The following DHRS2 variants were observed in gnomAD, a reference collection of about 807,000 sequenced individuals.
The protein encoded by DHRS2 is dehydrogenase/reductase SDR family member 2, mitochondrial.
Under a neutral mutation model 26.3 loss-of-function variants are expected in DHRS2, and 29 were observed. The observed-to-expected ratio is 1.10, with a 90% CI of 0.82 to 1.50. The LOEUF (loss-of-function observed/expected upper bound fraction) is 1.50. Among genes scored for constraint, DHRS2 ranks in the 40% most tolerant of loss-of-function variants. The pLI is 0.00. For missense variants in DHRS2, 439 were observed against 367.1 expected, an observed-to-expected ratio of 1.20 and a Z score of -1.60; for synonymous variants, 164 against 151.3, an observed-to-expected ratio of 1.08 and a Z score of -0.62.
chr14:23,636,967 G>T (rs1890334094), intron 1 of DHRS2, among the ~76,000 whole-genome samples, 195 bp downstream of exon 1: 1 of 152,160 alleles, frequency 6.6e-6, no homozygotes, highest in South Asian at 2.1e-4. Flanking sequence ...ATGTTGTTTT[G>T]CCTGGAACCA....
At chr14:23,644,034 T>G (rs997174692) in intron 5 of DHRS2, 77 bp from the exon 6 acceptor site, 20 of 1,440,980 alleles carry the variant, frequency 1.4e-5, no homozygotes, top group Non-Finnish European at 2.0e-5. Flanking sequence ...GGTTGCATCA[T>G]TTAATGAACT....
upstream of DHRS2, among the ~76,000 whole-genome samples, chr14:23,635,205 G>A (rs532163329): frequency 1.3e-5 from 2 of 152,128 alleles, no homozygotes; most frequent in Admixed American, 1.3e-4. Context: ...TGTGACTACA[G>A]GCATGCACCA....
In DHRS2 at chr14:23,640,132, ACTTT is replaced by A. The variant is rs1890580455; in HGVS notation, c.420+238_420+241del. On this transcript the variant is annotated intron_variant, in intron 4 of 8. Transcript: ENST00000250383. ...TTCTGCTTTGTTTTCTCTTCTCATC[ACTTT>A]TTCATTTAATCATTCAGCAGGTATT... 7 of 719,228 alleles carry A rather than the reference ACTTT, an allele frequency of 9.7e-6. No homozygotes were observed. The South Asian group carries it at 3.8e-4, about 39-fold the overall frequency. 44.6% of individuals were successfully genotyped at this position (719,228 alleles called of 1,614,324 possible).
At position 23,636,459 on chromosome 14, in the gene DHRS2, A is replaced by T. The variant is rs141213748; in HGVS notation, c.-352A>T. On this transcript the variant is annotated 5_prime_UTR_variant, in exon 1 of 9. Coordinates refer to ENST00000250383, the MANE Select transcript of DHRS2 (RefSeq NM_005794.4). ...GCTGCTCACTCGTTGGGTCCGTGCC[A>T]CCTTTAAGAGCTGTAACACTCACCG... The T allele has an allele frequency of 6.6e-6, 1 of 151,902 alleles. No homozygotes were observed. The highest frequency in any genetic ancestry group is 2.4e-5 in the African/African-American group (1 of 41,346). The allele number at this position is 151,902 out of a possible 1,614,324, so 9.4% of individuals were successfully genotyped here. A position where few individuals can be genotyped will look rare whatever the true frequency, so the allele number is the denominator to read the frequency against.
upstream of DHRS2, among the ~76,000 whole-genome samples, chr14:23,634,353 C>T (rs1481757357): frequency 6.6e-6 from 1 of 152,124 alleles, no homozygotes; most frequent in Non-Finnish European, 1.5e-5. Context: ...AGGCATGAGC[C>T]ACCGTGCCTA....
chr14:23,643,515 C>G (rs1204122676), intron 5 of DHRS2: 5 of 399,852 alleles, frequency 1.3e-5, no homozygotes, highest in African/African-American at 1.0e-4. Context: ...TCATTGTCAC[C>G]TTACCTGCTC....
intron 4 of DHRS2, chr14:23,641,824 T>C: frequency 7.9e-7 from 1 of 1,264,198 alleles, no homozygotes; most frequent in South Asian, 1.3e-5. Flanking sequence ...GGAGTGAGAT[T>C]GGGGGGTGGA....
intron 4 of DHRS2, chr14:23,641,442 A>T: frequency 2.5e-6 from 1 of 394,538 alleles, no homozygotes; most frequent in Non-Finnish European, 4.5e-6. Flanking sequence ...ACACTGAGCT[A>T]CTCTCTCTTA....
chr14:23,636,300 C>T (rs1237348469), upstream of DHRS2: 5 of 152,158 alleles, frequency 3.3e-5, no homozygotes, highest in African/African-American at 4.8e-5. Context: ...ATAAAATGGA[C>T]CAATCAGCAG....
upstream of DHRS2, among the ~76,000 whole-genome samples, chr14:23,635,006 G>C (rs950462167): frequency 6.6e-6 from 1 of 152,140 alleles, no homozygotes; most frequent in Admixed American, 6.5e-5. Context: ...TTCCTGTACA[G>C]CCTGTGGAAT....
At chr14:23,643,702 G>A (rs1360911851) in intron 5 of DHRS2, 1 of 295,356 alleles carries the variant, frequency 3.4e-6, no homozygotes, top group Non-Finnish European at 6.5e-6. Context: ...AACTGGCCAG[G>A]GGCTGTCTTC....
Position 23,638,926 on chromosome 14 carries a change from T to A in DHRS2, c.62T>A (p.Val21Glu). 1 of 1,614,070 alleles carries A rather than the reference T, an allele frequency of 6.2e-7. No individual in the cohort carries two copies. ...GWFHPCARLS[V>E]RMSSTGIDRK... ...TTTCATCCCTGTGCTAGGCTTTCTG[T>A]GAGGATGAGCAGCACCGGGATAGAC... The change falls in exon 2 of 9, where the codon GTG becomes GAG. Residue 21 changes from valine to glutamate, a missense_variant. By Grantham distance (121) the Val-to-Glu change is moderately radical. Coordinates refer to ENST00000250383, the MANE Select transcript of DHRS2 (RefSeq NM_005794.4).
chr14:23,641,684 C>G (rs963827526), intron 4 of DHRS2: 3 of 1,289,716 alleles, frequency 2.3e-6, no homozygotes, highest in Non-Finnish European at 2.0e-6. Context: ...GGGTGGTACC[C>G]ACTTCTGACA....
At chr14:23,643,118 C>G (rs747429191) in intron 4 of DHRS2, 34 bp from the exon 5 acceptor site, 40 of 1,610,472 alleles carry the variant, frequency 2.5e-5, no homozygotes, top group Middle Eastern at 3.3e-4. Flanking sequence ...GACCATGTCT[C>G]TCTGCCCTCA....
intron 4 of DHRS2, chr14:23,641,993 C>T: frequency 1.8e-6 from 2 of 1,124,528 alleles, no homozygotes; most frequent in Non-Finnish European, 2.2e-6. Flanking sequence ...TCCGCCTCTG[C>T]ATCTTTCCTT....
At chr14:23,635,204 A>C (rs995818797), upstream of DHRS2, among the ~76,000 whole-genome samples, 13 of 152,048 alleles carry the variant, frequency 8.5e-5, no homozygotes, top group African/African-American at 2.9e-4. Context: ...CTGTGACTAC[A>C]GGCATGCACC....
chr14:23,634,830 C>G (rs113811985), upstream of DHRS2, among the ~76,000 whole-genome samples: 3,672 of 152,216 alleles, frequency 0.024, 49 homozygotes, highest in Non-Finnish European at 0.035. Flanking sequence ...TTCCCCCTTG[C>G]TGCTCTTGTG....
At chr14:23,636,935 C>T (rs917177251) in intron 1 of DHRS2, among the ~76,000 whole-genome samples, 163 bp downstream of exon 1, 2 of 152,158 alleles carry the variant, frequency 1.3e-5, no homozygotes, top group African/African-American at 4.8e-5. Context: ...CTCTAACAAC[C>T]CCTGGCTCTG....
chr14:23,636,236 C>T (rs918960090), upstream of DHRS2: 13 of 152,120 alleles, frequency 8.5e-5, no homozygotes, highest in Non-Finnish European at 1.3e-4. Flanking sequence ...GACCAATCAG[C>T]TCTCTGTAAA....
Sources: gnomAD v4.1 joint callset for allele counts (sites outside exome capture counted in the v4.1 genomes callset) on GRCh38, gnomAD v4.1.1 for gene constraint, MANE v1.5 for transcripts, NCBI Gene and HGNC (gene_info 2026-07-23, HGNC 2026-07-21) for gene names.